Variants in INTS4 observed in about 807,000 individuals in gnomAD.
INTS4 encodes MSTP093.
A neutral mutation model predicts 119.5 loss-of-function variants in INTS4; 70 were observed. That is an observed-to-expected ratio of 0.59 (90% CI 0.48 to 0.71). The LOEUF is 0.71. Among genes scored for constraint, INTS4 ranks in the 30% least tolerant of loss-of-function variants. The pLI, the probability that INTS4 is intolerant of heterozygous loss-of-function variation, is 0.00. For synonymous variants in INTS4, 316 were observed against 419.6 expected (o/e 0.75, Z 3.02); for missense variants, 867 against 1,173.2 (o/e 0.74, Z 3.81).
At chr11:77,946,185 T>C (rs1954043662) in intron 8 of INTS4, among the ~76,000 whole-genome samples, 1 of 152,186 alleles carries the variant, frequency 6.6e-6, no homozygotes. Flanking sequence ...CCTAGGCAAC[T>C]GAGGCAATTG....
intron 5 of INTS4, among the ~76,000 whole-genome samples, 155 bp from the exon 6 acceptor site, chr11:77,960,546 T>C (rs1305155591): frequency 1.3e-5 from 2 of 152,104 alleles, no homozygotes; most frequent in African/African-American, 4.8e-5. Context: ...CCTTGTCGTC[T>C]TTCAATAGGA....
intron 22 of INTS4, among the ~76,000 whole-genome samples, chr11:77,883,387 G>A (rs576631226): frequency 6.6e-6 from 1 of 152,042 alleles, no homozygotes; most frequent in Non-Finnish European, 1.5e-5. Context: ...GACATAAGTT[G>A]GCAAATGAAA....
intron 4 of INTS4, among the ~76,000 whole-genome samples, chr11:77,972,336 T>C (rs908073955): frequency 6.6e-6 from 1 of 152,090 alleles, no homozygotes; most frequent in Non-Finnish European, 1.5e-5. Context: ...CGGGCTCAAG[T>C]GATCTGCTCA....
At chr11:77,965,448 TG>T (rs1402134903) in intron 4 of INTS4, among the ~76,000 whole-genome samples, 2 of 152,212 alleles carry the variant, frequency 1.3e-5, no homozygotes, top group African/African-American at 2.4e-5. Flanking sequence ...CCTGTTGAGC[TG>T]AAACTTTATA....
chr11:77,896,239 A>T (rs1475765709), intron 18 of INTS4, among the ~76,000 whole-genome samples: 5 of 152,230 alleles, frequency 3.3e-5, no homozygotes, highest in Non-Finnish European at 5.9e-5. Context: ...AAAAGGAAAA[A>T]AATAGTAGAG....
At chr11:77,943,183 T>C (rs910302775) in intron 8 of INTS4, among the ~76,000 whole-genome samples, 1 of 152,140 alleles carries the variant, frequency 6.6e-6, no homozygotes, top group African/African-American at 2.4e-5. Flanking sequence ...TGCCCTCAAC[T>C]GCGCGCTCGT....
At position 77,926,654 on chromosome 11, in the gene INTS4, A is replaced by AT. The variant is rs560963081; in HGVS notation, c.1371+1687_1371+1688insA. ...AAACACGATCTCTACTAAAAAAAAA[A>AT]ATATATACAAAAATTAGTATTGTGG... On this transcript the variant is annotated intron_variant, in intron 11 of 22. Transcript: ENST00000534064. 1.4e-3 allele frequency among the ~76,000 whole-genome samples: 220 copies of AT among 152,028 alleles called. 1 individual carries two copies. The highest frequency in any genetic ancestry group is 4.8e-3 in the African/African-American group (198 of 41,472).
chr11:77,915,447 C>T (rs1476170724), intron 15 of INTS4, among the ~76,000 whole-genome samples: 4 of 152,242 alleles, frequency 2.6e-5, no homozygotes, highest in Admixed American at 1.3e-4. Context: ...AGGAGGCTCA[C>T]GCTGGACACA....
chr11:77,900,173 C>T (rs1952717599), intron 18 of INTS4, among the ~76,000 whole-genome samples: 1 of 151,824 alleles, frequency 6.6e-6, no homozygotes, highest in Non-Finnish European at 1.5e-5. Flanking sequence ...GATTTCGGCC[C>T]ACTGCAACCT....
At chr11:77,961,972 A>C (rs1351626395) in intron 4 of INTS4, among the ~76,000 whole-genome samples, 1 of 152,192 alleles carries the variant, frequency 6.6e-6, no homozygotes, top group Non-Finnish European at 1.5e-5. Context: ...TGTTGGATAT[A>C]TATGTAGAAG....
intron 21 of INTS4, among the ~76,000 whole-genome samples, chr11:77,890,884 A>C (rs1481885704): frequency 1.3e-5 from 2 of 152,200 alleles, no homozygotes; most frequent in Non-Finnish European, 2.9e-5. Flanking sequence ...TTGGGAAAGA[A>C]TATTTCCTAG....
Position 77,960,406 on chromosome 11 carries a change from T to TA in INTS4, c.658-16dup. ...TGGAGCTGCAACTAGATAATAAATA[T>TA]ATAGTTTAAGTGCTTGGGAGGAAAA... On this transcript the variant is annotated splice_polypyrimidine_tract_variant and intron_variant, in intron 5 of 22. Transcript: ENST00000534064. 6.4e-7 allele frequency: 1 copy of TA among 1,563,486 alleles called. No individual in the cohort carries two copies. Among genetic ancestry groups the TA allele is most frequent in the Non-Finnish European group, 8.8e-7 (1 of 1,136,910 alleles).
At chr11:77,874,665 T>C (rs1190386945), downstream of INTS4, among the ~76,000 whole-genome samples, 3 of 152,200 alleles carry the variant, frequency 2.0e-5, no homozygotes, top group East Asian at 3.9e-4. Context: ...TCTTAAATCA[T>C]TAAAGCCTCT....
intron 16 of INTS4, 91 bp downstream of exon 16, chr11:77,907,626 A>C: frequency 1.2e-6 from 1 of 862,554 alleles, no homozygotes; most frequent in Non-Finnish European, 1.9e-6. Context: ...TTAAGACCAT[A>C]AGTTTTATAA....
At chr11:77,938,066 T>G (rs1953844056) in intron 10 of INTS4, among the ~76,000 whole-genome samples, 1 of 151,866 alleles carries the variant, frequency 6.6e-6, no homozygotes, top group Admixed American at 6.6e-5. Flanking sequence ...AGGCTGGTCT[T>G]GAACTCCTGG....
At chr11:77,925,374 G>A (rs572317977) in intron 11 of INTS4, among the ~76,000 whole-genome samples, 1 of 152,238 alleles carries the variant, frequency 6.6e-6, no homozygotes, top group East Asian at 1.9e-4. Flanking sequence ...TTGAAATATT[G>A]CAAGAATTAC....
intron 8 of INTS4, among the ~76,000 whole-genome samples, chr11:77,946,520 G>A (rs60355295): frequency 0.13 from 19,927 of 152,094 alleles, 1,500 homozygotes; most frequent in East Asian, 0.25. Flanking sequence ...CCAGCACTTC[G>A]GGAGGCCAAG....
At chr11:77,918,425 A>G (rs1245471316) in intron 15 of INTS4, 1 of 284,474 alleles carries the variant, frequency 3.5e-6, no homozygotes, top group East Asian at 8.1e-5. Flanking sequence ...TCAAAAAAAA[A>G]AAAAAAAAAA....
At chr11:77,880,648 T>C (rs1252914493) in intron 22 of INTS4, among the ~76,000 whole-genome samples, 4 of 152,130 alleles carry the variant, frequency 2.6e-5, no homozygotes, top group Non-Finnish European at 4.4e-5. Flanking sequence ...CCAGTTGGCA[T>C]AGCACTTTCA....
Sources: gnomAD v4.1 joint callset for allele counts (sites outside exome capture counted in the v4.1 genomes callset) on GRCh38, gnomAD v4.1.1 for gene constraint, MANE v1.5 for transcripts, NCBI Gene and HGNC (gene_info 2026-07-23, HGNC 2026-07-21) for gene names.